Variants in MAN2A1 observed in about 807,000 individuals in gnomAD.
MAN2A1 encodes mannosidase alpha class 2A member 1.
In MAN2A1, 76 loss-of-function variants were observed where a neutral mutation model predicts 142.6. The observed-to-expected ratio is 0.53, with a 90% CI of 0.44 to 0.65. The LOEUF (loss-of-function observed/expected upper bound fraction) is 0.65, where lower values mean the gene tolerates loss of function less well. Among genes scored for constraint, MAN2A1 ranks in the 30% least tolerant of loss-of-function variants. The pLI is 0.00. For missense variants in MAN2A1, 1,311 were observed against 1,365.1 expected, an observed-to-expected ratio of 0.96 and a Z score of 0.62; for synonymous variants, 559 against 473.2, an observed-to-expected ratio of 1.18 and a Z score of -2.35.
chr5:109,735,226 T>A (rs1324406376), intron 4 of MAN2A1, among the ~76,000 whole-genome samples: 4 of 152,082 alleles, frequency 2.6e-5, no homozygotes, highest in African/African-American at 9.7e-5. Flanking sequence ...ATTTGCTTGG[T>A]AGATCTTCCT....
intron 12 of MAN2A1, among the ~76,000 whole-genome samples, chr5:109,800,591 A>T (rs1293501243): frequency 2.0e-5 from 3 of 152,216 alleles, no homozygotes; most frequent in African/African-American, 7.2e-5. Context: ...TCAGTAATGA[A>T]TTGGTCAAAT....
chr5:109,785,259 CAT>C (rs1753566352), intron 10 of MAN2A1, among the ~76,000 whole-genome samples: 1 of 151,902 alleles, frequency 6.6e-6, no homozygotes, highest in South Asian at 2.1e-4. Context: ...TCAAATAAAA[CAT>C]AGTTATAATG....
Position 109,715,506 on chromosome 5 carries a change from A to G in MAN2A1, c.391-614A>G, listed in dbSNP as rs1030846839. Among the ~76,000 whole-genome samples, 4 of 152,054 alleles carry G rather than the reference A, an allele frequency of 2.6e-5. No individual in the cohort carries two copies. The South Asian group carries it at 8.3e-4, about 31-fold the overall frequency. The stretch of plus-strand genomic sequence containing the variant: ...GGAATGCTGCATTGAAAAGCTAGAA[A>G]ACAATAGGATACATAAAAGCTAAAT... On this transcript the variant is annotated intron_variant, in intron 2 of 21. Coordinates refer to ENST00000261483, the MANE Select transcript of MAN2A1 (RefSeq NM_002372.4).
intron 16 of MAN2A1, among the ~76,000 whole-genome samples, chr5:109,833,889 A>G (rs772044852): frequency 1.3e-5 from 2 of 152,196 alleles, no homozygotes; most frequent in African/African-American, 2.4e-5. Context: ...AAAGCAAGCA[A>G]TTGGAAACCA....
intron 1 of MAN2A1, among the ~76,000 whole-genome samples, chr5:109,700,137 C>A (rs1482104583): frequency 6.6e-6 from 1 of 152,030 alleles, no homozygotes; most frequent in East Asian, 1.9e-4. Flanking sequence ...ATTCCTTTCC[C>A]TTTTTGTTAG....
chr5:109,702,315 TTGTGTGTGTGTG>T (rs34048618), intron 1 of MAN2A1, among the ~76,000 whole-genome samples: 8 of 144,142 alleles, frequency 5.6e-5, no homozygotes, highest in Admixed American at 2.1e-4. Context: ...AGAACATAAA[TTGTGTGTGTGTG>T]TGTGTGTGTG....
intron 4 of MAN2A1, among the ~76,000 whole-genome samples, chr5:109,735,881 T>TTG (rs1672129312): frequency 6.8e-6 from 1 of 147,478 alleles, no homozygotes; most frequent in East Asian, 2.0e-4. Context: ...CATTGGAGTT[T>TTG]TTTTTTTTTT....
rs193196616 is a variant in MAN2A1 at position 109,737,479 on chromosome 5, A to G, written c.707+7966A>G. The stretch of plus-strand genomic sequence containing the variant: ...TTTTTTGTTACTTAATGTGTGATCA[A>G]TGTTGATGAAGCTTCTACTGGTGTT... On this transcript the variant is annotated intron_variant, in intron 4 of 21. Coordinates refer to ENST00000261483, the MANE Select transcript of MAN2A1 (RefSeq NM_002372.4). Among the ~76,000 whole-genome samples, 23 of 151,454 alleles carry G rather than the reference A, an allele frequency of 1.5e-4. No homozygotes were observed. The East Asian group carries it at 2.1e-3, about 14-fold the overall frequency.
chr5:109,805,100 A>G (rs150070600), intron 12 of MAN2A1, among the ~76,000 whole-genome samples: 1 of 152,212 alleles, frequency 6.6e-6, no homozygotes, highest in Admixed American at 6.5e-5. Flanking sequence ...ACAAGGAAAT[A>G]GAACATCTTA....
intron 7 of MAN2A1, among the ~76,000 whole-genome samples, chr5:109,771,903 C>G (rs1386583699): frequency 6.6e-6 from 1 of 152,058 alleles, no homozygotes; most frequent in Non-Finnish European, 1.5e-5. Flanking sequence ...GGGGGTGCTA[C>G]TGAGACTACC....
At chr5:109,863,674 A>T (rs546257350) in intron 20 of MAN2A1, 8 of 152,370 alleles carry the variant, frequency 5.3e-5, no homozygotes, top group African/African-American at 1.9e-4. Flanking sequence ...AAGGTTTCAC[A>T]GTTGGCACAT....
At chr5:109,709,648 G>C (rs144137921) in intron 1 of MAN2A1, among the ~76,000 whole-genome samples, 4 of 152,156 alleles carry the variant, frequency 2.6e-5, no homozygotes, top group Non-Finnish European at 5.9e-5. Context: ...AACTGAGCCT[G>C]TTCTACCTTG....
chr5:109,857,856 A>T (rs964401398), intron 20 of MAN2A1, among the ~76,000 whole-genome samples: 4 of 152,154 alleles, frequency 2.6e-5, no homozygotes, highest in Non-Finnish European at 5.9e-5. Flanking sequence ...GCCTTTGGAC[A>T]GGTGGGCCAC....
chr5:109,705,516 C>A (rs1751105991), intron 1 of MAN2A1, among the ~76,000 whole-genome samples: 1 of 152,092 alleles, frequency 6.6e-6, no homozygotes, highest in African/African-American at 2.4e-5. Context: ...TCATGGCTCT[C>A]CAGCTCTGAT....
intron 20 of MAN2A1, among the ~76,000 whole-genome samples, chr5:109,856,623 G>T (rs1755610593): frequency 6.6e-6 from 1 of 152,156 alleles, no homozygotes; most frequent in Non-Finnish European, 1.5e-5. Flanking sequence ...GGACAGAATG[G>T]CCCCCTGGTT....
chr5:109,858,126 A>G (rs1031791471), intron 20 of MAN2A1, among the ~76,000 whole-genome samples: 2 of 152,208 alleles, frequency 1.3e-5, no homozygotes, highest in Non-Finnish European at 2.9e-5. Context: ...AAGATTAAAA[A>G]CTGAAATGTT....
chr5:109,851,624 T>A (rs905355000), intron 19 of MAN2A1, among the ~76,000 whole-genome samples: 5 of 152,146 alleles, frequency 3.3e-5, no homozygotes, highest in African/African-American at 7.2e-5. Flanking sequence ...CTGAATAAAC[T>A]TCTTTTATAG....
chr5:109,831,712 A>G (rs866537426), intron 16 of MAN2A1, among the ~76,000 whole-genome samples: 61 of 152,040 alleles, frequency 4.0e-4, no homozygotes, highest in African/African-American at 1.4e-3. Flanking sequence ...ATTACATTCT[A>G]TTTCTCCACA....
intron 1 of MAN2A1, among the ~76,000 whole-genome samples, chr5:109,700,227 C>A (rs1165413906): frequency 2.0e-5 from 3 of 151,100 alleles, no homozygotes; most frequent in Non-Finnish European, 4.4e-5. Context: ...TCATTATGCA[C>A]CAACATTTTG....
Sources: allele counts gnomAD v4.1 joint callset (sites outside exome capture counted in the v4.1 genomes callset), GRCh38; gene constraint gnomAD v4.1.1; transcripts MANE v1.5; gene names NCBI Gene and HGNC (gene_info 2026-07-23, HGNC 2026-07-21).